LINGO2: variants seen among roughly 807,000 people sequenced by gnomAD.
LINGO2 encodes leucine-rich repeat and immunoglobulin-like domain-containing nogo receptor-interacting protein 2.
Under a neutral mutation model 30.6 loss-of-function variants are expected in LINGO2, and 14 were observed. That is an observed-to-expected ratio of 0.46 (90% CI 0.30 to 0.72). LINGO2 has a LOEUF of 0.72. LINGO2 is among the 30% of genes least tolerant of loss of function. The pLI, the probability that LINGO2 is intolerant of heterozygous loss-of-function variation, is 0.07. For missense variants in LINGO2, 729 were observed against 751.7 expected, an observed-to-expected ratio of 0.97 and a Z score of 0.35; for synonymous variants, 317 against 288.5, an observed-to-expected ratio of 1.10 and a Z score of -1.00.
At chr9:28,887,713 G>A in the LINGO2 span, among the ~76,000 whole-genome samples, 1 of 152,072 alleles carries the variant, frequency 6.6e-6, no homozygotes, top group African/African-American at 2.4e-5. Flanking sequence ...AAACAAAAAG[G>A]CTGAGAACTG....
chr9:28,852,888 C>T, the LINGO2 span, among the ~76,000 whole-genome samples: 2 of 152,118 alleles, frequency 1.3e-5, no homozygotes, highest in East Asian at 1.9e-4. Context: ...GCCTATAATA[C>T]AATCATAATG....
chr9:28,458,570 CA>C, intron 2 of LINGO2, among the ~76,000 whole-genome samples: 1 of 152,224 alleles, frequency 6.6e-6, no homozygotes, highest in Middle Eastern at 3.4e-3. Context: ...AGATCTGGAG[CA>C]AAAACTTGGT....
chr9:28,667,169 A>T (rs1828836901), intron 1 of LINGO2, among the ~76,000 whole-genome samples: 1 of 152,182 alleles, frequency 6.6e-6, no homozygotes, highest in Non-Finnish European at 1.5e-5. Context: ...TAGAGTCAGT[A>T]GTCAATTATT....
chr9:28,323,968 T>C (rs767406251), intron 3 of LINGO2, among the ~76,000 whole-genome samples: 1 of 152,150 alleles, frequency 6.6e-6, no homozygotes, highest in Non-Finnish European at 1.5e-5. Context: ...ACAGTACAAA[T>C]GCTCTAAGGC....
At chr9:29,160,443 G>A in the LINGO2 span, among the ~76,000 whole-genome samples, 387 of 152,284 alleles carry the variant, frequency 2.5e-3, 2 homozygotes, top group African/African-American at 8.9e-3. Context: ...CAGAGTGTTT[G>A]TGAAAATTGA....
chr9:28,743,829 G>A, the LINGO2 span, among the ~76,000 whole-genome samples: 1 of 151,638 alleles, frequency 6.6e-6, no homozygotes, highest in Non-Finnish European at 1.5e-5. Context: ...AGTTCAATGA[G>A]CTTCTTGGAT....
intron 3 of LINGO2, among the ~76,000 whole-genome samples, chr9:28,344,039 C>T (rs1196815998): frequency 1.3e-5 from 2 of 152,026 alleles, no homozygotes; most frequent in East Asian, 1.9e-4. Flanking sequence ...CTGTGTATCT[C>T]GTCCCCCAGC....
At chr9:28,182,494 C>A (rs912060815) in intron 4 of LINGO2, among the ~76,000 whole-genome samples, 6 of 152,126 alleles carry the variant, frequency 3.9e-5, no homozygotes, top group African/African-American at 1.4e-4. Flanking sequence ...AGCTTCTGCA[C>A]AGCAAAAGAA....
chr9:28,296,029 G>A (rs1241984197), intron 3 of LINGO2, among the ~76,000 whole-genome samples: 2 of 152,176 alleles, frequency 1.3e-5, no homozygotes, highest in African/African-American at 2.4e-5. Context: ...TGTAGCCAGA[G>A]TGGGTACACA....
the LINGO2 span, among the ~76,000 whole-genome samples, chr9:28,787,831 T>C: frequency 6.6e-6 from 1 of 152,224 alleles, no homozygotes; most frequent in African/African-American, 2.4e-5. Flanking sequence ...CTTCTAATGA[T>C]TGGCATATAT....
Position 28,356,512 on chromosome 9 carries a change from A to G in LINGO2, c.-246+16324T>C, listed in dbSNP as rs200274594. ...GCACAAACTCCAGGTCAATCTGTTTAATCATAAAATTGCTGCTTTTAACCA... is the reference window on the plus strand; with the variant it reads ...GCACAAACTCCAGGTCAATCTGTTTGATCATAAAATTGCTGCTTTTAACCA... On this transcript the variant is annotated intron_variant, in intron 3 of 5. Transcript: ENST00000379992. Among the ~76,000 whole-genome samples, 5 of 152,264 alleles carry G rather than the reference A, an allele frequency of 3.3e-5. No homozygotes were observed. In the East Asian group the frequency reaches 9.7e-4, roughly 29 times the overall value.
At chr9:28,783,370 G>T in the LINGO2 span, among the ~76,000 whole-genome samples, 1 of 151,938 alleles carries the variant, frequency 6.6e-6, no homozygotes, top group Non-Finnish European at 1.5e-5. Flanking sequence ...TATAAATGCT[G>T]TGTAAATAGT....
chr9:28,464,018 G>A lies in LINGO2; in HGVS notation c.-279+11922C>T, dbSNP rs190986120. 3.3e-5 allele frequency among the ~76,000 whole-genome samples: 5 copies of A among 152,058 alleles called. No individual in the cohort carries two copies. In the East Asian group the frequency reaches 9.7e-4, roughly 29 times the overall value. Reference sequence around the variant, plus strand: ...TTATAGAGAATCAAAATATTGCTAGGGTTTTCTGCATATTTATCAAGACAA... The same window carrying A: ...TTATAGAGAATCAAAATATTGCTAGAGTTTTCTGCATATTTATCAAGACAA... On this transcript the variant is annotated intron_variant, in intron 2 of 5. Transcript: ENST00000379992.
intron 4 of LINGO2, among the ~76,000 whole-genome samples, chr9:28,223,557 T>C (rs1179653760): frequency 1.3e-5 from 2 of 152,298 alleles, no homozygotes; most frequent in East Asian, 1.9e-4. Flanking sequence ...TTTTGTTTCA[T>C]AAAGATTAAT....
chr9:28,339,876 C>T (rs1825710674), intron 3 of LINGO2, among the ~76,000 whole-genome samples: 1 of 152,008 alleles, frequency 6.6e-6, no homozygotes, highest in Non-Finnish European at 1.5e-5. Context: ...TGATTGGAGC[C>T]CCTTTATTTA....
At chr9:29,151,416 A>G in the LINGO2 span, among the ~76,000 whole-genome samples, 1 of 152,228 alleles carries the variant, frequency 6.6e-6, no homozygotes. Context: ...CTAAAACTGA[A>G]TGTAAATGGT....
chr9:28,686,295 C>G, the LINGO2 span, among the ~76,000 whole-genome samples: 1 of 151,878 alleles, frequency 6.6e-6, no homozygotes, highest in East Asian at 1.9e-4. Context: ...ATTCATATTT[C>G]AAAATTAAAC....
intron 2 of LINGO2, among the ~76,000 whole-genome samples, chr9:28,394,663 A>G (rs1182702885): frequency 6.6e-6 from 1 of 152,180 alleles, no homozygotes; most frequent in Non-Finnish European, 1.5e-5. Context: ...GTATGGGGGT[A>G]GGTAGAGGTA....
At chr9:29,046,482 A>C in the LINGO2 span, among the ~76,000 whole-genome samples, 79 of 152,274 alleles carry the variant, frequency 5.2e-4, no homozygotes, top group African/African-American at 1.9e-3. Flanking sequence ...AAAAGCCAAC[A>C]AAAACAATGG....
Sources: allele counts gnomAD v4.1 joint callset (sites outside exome capture counted in the v4.1 genomes callset), GRCh38; gene constraint gnomAD v4.1.1; transcripts MANE v1.5; gene names NCBI Gene and HGNC (gene_info 2026-07-23, HGNC 2026-07-21).